Variants in OPHN1 observed in about 807,000 individuals in gnomAD.
OPHN1 encodes oligophrenin 1, also known as oligophrenin-1.
Under a neutral mutation model 60.7 loss-of-function variants are expected in OPHN1, and 11 were observed. The observed-to-expected ratio is 0.18, with a 90% CI of 0.11 to 0.30. OPHN1 has a LOEUF of 0.30. OPHN1 is among the 10% of genes least tolerant of loss of function. The pLI is 1.00. For synonymous variants in OPHN1, 226 were observed against 222.6 expected (o/e 1.02, Z -0.14); for missense variants, 449 against 611.0 (o/e 0.73, Z 2.80).
intron 15 of OPHN1, among the ~76,000 whole-genome samples, chrX:68,128,762 G>T (rs1459244409): frequency 8.9e-6 from 1 of 112,149 alleles, no homozygotes; most frequent in African/African-American, 3.2e-5. Context: ...CTAGCAAAAT[G>T]AGTGAAACAT....
At chrX:68,212,680 C>T (rs1345535179) in intron 7 of OPHN1, among the ~76,000 whole-genome samples, 1 of 112,652 alleles carries the variant, frequency 8.9e-6, no homozygotes, top group East Asian at 2.8e-4. Flanking sequence ...CCAGTCTACA[C>T]ATCACTGTTT....
At chrX:68,385,077 C>A (rs1162173929) in intron 2 of OPHN1, among the ~76,000 whole-genome samples, 1 of 111,202 alleles carries the variant, frequency 9.0e-6, no homozygotes, top group Non-Finnish European at 1.9e-5. Flanking sequence ...TAAAAAAAAT[C>A]AGTATAAATG....
At chrX:68,199,256 C>A (rs2077524941) in intron 11 of OPHN1, among the ~76,000 whole-genome samples, 1 of 111,324 alleles carries the variant, frequency 9.0e-6, no homozygotes, top group Non-Finnish European at 1.9e-5. Flanking sequence ...AATATGAGCA[C>A]TTTGGGAGGC....
chrX:68,348,176 A>G (rs1166557088), intron 2 of OPHN1, among the ~76,000 whole-genome samples: 1 of 112,115 alleles, frequency 8.9e-6, no homozygotes, highest in Non-Finnish European at 1.9e-5. Context: ...TTTAATTTCC[A>G]TCAGTGTTAG....
At chrX:68,218,518 G>A (rs1465353339) in intron 6 of OPHN1, among the ~76,000 whole-genome samples, 4 of 109,723 alleles carry the variant, frequency 3.6e-5, no homozygotes, top group Admixed American at 9.8e-5. Flanking sequence ...AATGTTAAGG[G>A]CAACCAGAGA....
intron 5 of OPHN1, among the ~76,000 whole-genome samples, chrX:68,252,021 G>A (rs956271386): frequency 4.4e-4 from 49 of 111,863 alleles, no homozygotes; most frequent in African/African-American, 1.5e-3. Context: ...GGAAGCAATG[G>A]TAGGCTGGCT....
intron 2 of OPHN1, among the ~76,000 whole-genome samples, chrX:68,399,528 C>T (rs2078702179): frequency 9.0e-6 from 1 of 110,993 alleles, no homozygotes; most frequent in African/African-American, 3.3e-5. Context: ...ATTAGCTGGG[C>T]GTGGTGGCAC....
intron 5 of OPHN1, 122 bp from the exon 6 acceptor site, chrX:68,234,710 G>A: frequency 1.9e-6 from 1 of 538,455 alleles, no homozygotes; most frequent in Middle Eastern, 5.4e-4. Context: ...CTCCTGGAAG[G>A]AAAAAAAAGC....
At chrX:68,295,121 G>A (rs1453396586) in intron 3 of OPHN1, among the ~76,000 whole-genome samples, 1 of 111,738 alleles carries the variant, frequency 8.9e-6, no homozygotes, top group Non-Finnish European at 1.9e-5. Context: ...TAGGTATAAG[G>A]TAGGTCCTGT....
chrX:68,294,192 C>T (rs773992400), intron 3 of OPHN1, among the ~76,000 whole-genome samples: 2 of 110,382 alleles, frequency 1.8e-5, no homozygotes, highest in Admixed American at 9.7e-5. Context: ...GTAACCTGGC[C>T]GGGTGCAGTG....
intron 15 of OPHN1, among the ~76,000 whole-genome samples, chrX:68,175,030 G>A (rs2147427659): frequency 9.2e-6 from 1 of 109,232 alleles, no homozygotes; most frequent in Non-Finnish European, 1.9e-5. Flanking sequence ...GTTGCAGTGA[G>A]CCGAGGTCGC....
At position 68,250,946 on chromosome X, in the gene OPHN1, A is replaced by T. The variant is rs146624058; in HGVS notation, c.385-16358T>A. 4.2e-3 allele frequency among the ~76,000 whole-genome samples: 469 copies of T among 111,064 alleles called. 4 individuals are homozygous for T. The highest frequency in any genetic ancestry group is 0.015 in the African/African-American group (449 of 30,626). On this transcript the variant is annotated intron_variant, in intron 5 of 24. Transcript: ENST00000355520. ...GATCTTTGGGGACAGCAATGTTACC[A>T]GTTTCCCTAACAATATATAACATTT...
At chrX:68,111,816 T>C (rs1211161526) in intron 18 of OPHN1, 38 bp downstream of exon 18, 1 of 987,657 alleles carries the variant, frequency 1.0e-6, no homozygotes, top group Non-Finnish European at 1.4e-6. Flanking sequence ...GCCAGTCCTC[T>C]AATAGGAACT....
intron 15 of OPHN1, among the ~76,000 whole-genome samples, chrX:68,175,672 C>T (rs966127144): frequency 9.0e-6 from 1 of 111,501 alleles, no homozygotes; most frequent in African/African-American, 3.3e-5. Context: ...TACCTCATGA[C>T]TCATGTAAGC....
chrX:68,147,212 G>C (rs1219464335), intron 15 of OPHN1, among the ~76,000 whole-genome samples: 1 of 111,502 alleles, frequency 9.0e-6, no homozygotes, highest in African/African-American at 3.3e-5. Flanking sequence ...GTAGGAATTA[G>C]AAAGGATGTC....
chrX:68,183,838 A>G (rs779389087), intron 15 of OPHN1, among the ~76,000 whole-genome samples: 2 of 112,574 alleles, frequency 1.8e-5, no homozygotes, highest in African/African-American at 6.4e-5. Flanking sequence ...TTACAAGGGT[A>G]TGTTCTGACT....
chrX:68,082,595 T>C (rs1027419719), intron 19 of OPHN1, among the ~76,000 whole-genome samples: 2 of 112,565 alleles, frequency 1.8e-5, no homozygotes, highest in African/African-American at 3.2e-5. Context: ...TTTTGAGCAG[T>C]AGGTCTCAAG....
At chrX:68,246,400 A>C (rs1200403289) in intron 5 of OPHN1, among the ~76,000 whole-genome samples, 1 of 111,820 alleles carries the variant, frequency 8.9e-6, no homozygotes, top group Non-Finnish European at 1.9e-5. Context: ...GAGTGGGATA[A>C]AAAACCCAAA....
intron 2 of OPHN1, among the ~76,000 whole-genome samples, chrX:68,312,100 AT>A (rs112240586): frequency 0.17 from 16,018 of 91,990 alleles, 1,226 homozygotes; most frequent in African/African-American, 0.24. Flanking sequence ...ATTATATTCT[AT>A]TTTTTTTTTT....
Sources: allele counts gnomAD v4.1 joint callset (sites outside exome capture counted in the v4.1 genomes callset), GRCh38; gene constraint gnomAD v4.1.1; transcripts MANE v1.5; gene names NCBI Gene and HGNC (gene_info 2026-07-23, HGNC 2026-07-21).